EIF4E2: variants seen among roughly 807,000 people sequenced by gnomAD.
The protein encoded by EIF4E2 is eukaryotic translation initiation factor 4E family member 2.
EIF4E2 carries 13 observed loss-of-function variants against 34.2 expected under a neutral mutation model. That is an observed-to-expected ratio of 0.38 (90% confidence interval 0.25 to 0.60). The LOEUF (loss-of-function observed/expected upper bound fraction) is 0.60. Among genes scored for constraint, EIF4E2 ranks in the 20% least tolerant of loss-of-function variants. EIF4E2 has a pLI of 0.62. For synonymous variants in EIF4E2, 100 were observed against 106.6 expected (o/e 0.94, Z 0.38); for missense variants, 222 against 315.1 (o/e 0.70, Z 2.24).
At position 232,566,540 on chromosome 2, in the gene EIF4E2, A is replaced by C. The variant is rs1346022535; in HGVS notation, c.376-289A>C. ...ACGGATGATCTGTGCTTGAAATATGACATCATTTCGTTTTGATTCCTAAAG... is the reference window on the plus strand; with the variant it reads ...ACGGATGATCTGTGCTTGAAATATGCCATCATTTCGTTTTGATTCCTAAAG... On this transcript the variant is annotated intron_variant, in intron 4 of 6. Coordinates refer to ENST00000258416, the MANE Select transcript of EIF4E2 (RefSeq NM_004846.4). This position sits in a 1 kb window ranked among gnomAD's most constrained non-coding sequence, Gnocchi z 4.9. Among the ~76,000 whole-genome samples, 1 of 152,224 alleles carries C rather than the reference A, an allele frequency of 6.6e-6. No individual in the cohort carries two copies. The highest frequency in any genetic ancestry group is 2.4e-5 in the African/African-American group (1 of 41,450).
intron 4 of EIF4E2, 61 bp downstream of exon 4, chr2:232,564,412 CT>C: frequency 1.1e-6 from 1 of 899,084 alleles, no homozygotes; most frequent in Non-Finnish European, 1.7e-6. Flanking sequence ...TGTTTTGTCT[CT>C]TAGCCCTGCC....
At chr2:232,580,780 A>C (rs1479295792) in intron 6 of EIF4E2, 3 of 826,042 alleles carry the variant, frequency 3.6e-6, no homozygotes, top group Non-Finnish European at 5.5e-6. Flanking sequence ...CAAGTGAAGA[A>C]GGCCCCGGGA....
chr2:232,565,181 C>T (rs1013836894), intron 4 of EIF4E2, among the ~76,000 whole-genome samples: 2 of 152,206 alleles, frequency 1.3e-5, no homozygotes, highest in Non-Finnish European at 1.5e-5. Context: ...CTCACATGAT[C>T]TTGCACCTCA....
chr2:232,555,620 G>A (rs978538866), intron 1 of EIF4E2, among the ~76,000 whole-genome samples: 1 of 152,178 alleles, frequency 6.6e-6, no homozygotes, highest in Non-Finnish European at 1.5e-5. Context: ...ATACCGAGAT[G>A]AAATAAGACA....
At chr2:232,579,016 T>C (rs1018221471) in intron 6 of EIF4E2, among the ~76,000 whole-genome samples, 1 of 152,198 alleles carries the variant, frequency 6.6e-6, no homozygotes, top group Admixed American at 6.5e-5. Context: ...CAGAGCCATC[T>C]GTTCCTGTGA....
chr2:232,581,391 T>G lies in EIF4E2; in HGVS notation c.*448T>G, dbSNP rs1574682443. The stretch of plus-strand genomic sequence containing the variant: ...AGAGTCCCAAAATAGCTGTAAATGC[T>G]CTCTTCTAGCTCTGCCATTAAATTA... On this transcript the variant is annotated 3_prime_UTR_variant, in exon 7 of 7. Coordinates refer to the EIF4E2 transcript ENST00000409098. This position sits in a 1 kb window ranked among gnomAD's most constrained non-coding sequence, Gnocchi z 5.2. The G allele has an allele frequency of 3.0e-6, 1 of 336,358 alleles. No individual in the cohort carries two copies. Among genetic ancestry groups the G allele is most frequent in the East Asian group, 8.1e-5 (1 of 12,344 alleles). The allele number at this position is 336,358 out of a possible 1,614,324, so 20.8% of individuals were successfully genotyped here. A position where few individuals can be genotyped will look rare whatever the true frequency, so the allele number is the denominator to read the frequency against.
chr2:232,554,576 G>A (rs541976400), intron 1 of EIF4E2, among the ~76,000 whole-genome samples: 1 of 152,274 alleles, frequency 6.6e-6, no homozygotes, highest in East Asian at 1.9e-4. Context: ...TTTTGAAAAG[G>A]AAACCAAATG....
chr2:232,574,125 C>T (rs1455226352), downstream of EIF4E2: 2 of 889,912 alleles, frequency 2.2e-6, no homozygotes, highest in Non-Finnish European at 3.7e-6. Flanking sequence ...GACCTCGCTG[C>T]TCTGCTCCCA....
chr2:232,574,396 A>G (rs1693160699), intron 6 of EIF4E2: 1 of 1,521,594 alleles, frequency 6.6e-7, no homozygotes, highest in African/African-American at 1.4e-5. Flanking sequence ...CATCCATAGG[A>G]CCCCTCTTCC....
chr2:232,572,115 C>T (rs1204800674), downstream of EIF4E2, among the ~76,000 whole-genome samples: 1 of 152,214 alleles, frequency 6.6e-6, no homozygotes, highest in African/African-American at 2.4e-5. Flanking sequence ...TTTTTAGAAA[C>T]TCCAGTCATG....
At chr2:232,551,972 T>C (rs1198069573) in intron 1 of EIF4E2, among the ~76,000 whole-genome samples, 2 of 152,164 alleles carry the variant, frequency 1.3e-5, no homozygotes, top group Admixed American at 1.3e-4. Context: ...TCTCCCCCGC[T>C]GCCGCCCCAT....
downstream of EIF4E2, among the ~76,000 whole-genome samples, chr2:232,573,549 C>T: frequency 6.6e-6 from 1 of 152,138 alleles, no homozygotes; most frequent in Non-Finnish European, 1.5e-5. Context: ...AAGCGAAAGG[C>T]CACGTACCAC....
chr2:232,580,865 G>A (rs1471582574), intron 6 of EIF4E2: 2 of 1,518,810 alleles, frequency 1.3e-6, no homozygotes, highest in African/African-American at 1.4e-5. Context: ...GATGATCCTT[G>A]TATTGAACAC....
At position 232,560,338 on chromosome 2, in the gene EIF4E2, C is replaced by T. The variant is rs547824255; in HGVS notation, c.270+2320C>T. ...TTGCATTCCTTCCTGACACCATACACAAAAAGTAACTAAAAATGGATCATA... is the reference window on the plus strand; with the variant it reads ...TTGCATTCCTTCCTGACACCATACATAAAAAGTAACTAAAAATGGATCATA... On this transcript the variant is annotated intron_variant, in intron 3 of 6. Transcript: ENST00000258416. Among the ~76,000 whole-genome samples the T allele has an allele frequency of 4.6e-5, 7 of 152,284 alleles. No homozygotes were observed. The South Asian group carries it at 1.5e-3, about 32-fold the overall frequency.
chr2:232,551,780 T>C (rs183847200), intron 1 of EIF4E2, among the ~76,000 whole-genome samples: 4 of 152,296 alleles, frequency 2.6e-5, no homozygotes, highest in Admixed American at 2.6e-4. Context: ...GATGGGAAAT[T>C]GGGGTGTTTC....
intron 4 of EIF4E2, among the ~76,000 whole-genome samples, chr2:232,564,672 C>T (rs1357411969): frequency 1.3e-5 from 2 of 152,166 alleles, no homozygotes; most frequent in South Asian, 4.1e-4. Flanking sequence ...AGGATGGTCT[C>T]GATCTCCTGA....
In EIF4E2 at chr2:232,558,895, T is replaced by A. The variant is rs1692617718; in HGVS notation, c.270+877T>A. On this transcript the variant is annotated intron_variant, in intron 3 of 6. Transcript: ENST00000258416. ...GAGAGCCCAGACTGTCTCATCTCTC[T>A]CCCAGGTGACTTGGTTTGTGTACCC... is the stretch of plus-strand genomic sequence containing the variant. The A allele has an allele frequency of 3.3e-5, 5 of 152,178 alleles. No individual in the cohort carries two copies. The South Asian group carries it at 1.0e-3, about 31-fold the overall frequency. The allele number at this position is 152,178 out of a possible 1,614,324, so 9.4% of individuals were successfully genotyped here.
At chr2:232,561,159 C>G (rs1433722568) in intron 3 of EIF4E2, among the ~76,000 whole-genome samples, 1 of 152,016 alleles carries the variant, frequency 6.6e-6, no homozygotes, top group Non-Finnish European at 1.5e-5. Context: ...TTTGGCCAGG[C>G]CTGGTAGCTC....
chr2:232,573,062 A>G (rs967570593), downstream of EIF4E2, among the ~76,000 whole-genome samples: 23 of 152,342 alleles, frequency 1.5e-4, no homozygotes, highest in African/African-American at 5.3e-4. Flanking sequence ...CACAAAGCAC[A>G]TCACATCACC....
Sources: gnomAD v4.1 joint callset for allele counts (sites outside exome capture counted in the v4.1 genomes callset) on GRCh38, gnomAD v4.1.1 for gene constraint, Gnocchi (gnomAD v3.1) non-coding constraint, MANE v1.5 for transcripts, NCBI Gene and HGNC (gene_info 2026-07-23, HGNC 2026-07-21) for gene names.